The following MAP7D1 variants were observed in gnomAD, a reference collection of about 807,000 sequenced individuals.
MAP7D1 encodes the protein MAP7 domain-containing protein 1.
Under a neutral mutation model 97.5 loss-of-function variants are expected in MAP7D1, and 30 were observed. That is an observed-to-expected ratio of 0.31 (90% confidence interval 0.23 to 0.42). The LOEUF (loss-of-function observed/expected upper bound fraction) is 0.42, where lower values mean the gene tolerates loss of function less well. Among genes scored for constraint, MAP7D1 ranks in the 10% least tolerant of loss-of-function variants. The pLI is 1.00. For synonymous variants in MAP7D1, 536 were observed against 477.1 expected (o/e 1.12, Z -1.61); for missense variants, 1,184 against 1,179.5 (o/e 1.00, Z -0.06).
intron 1 of MAP7D1, among the ~76,000 whole-genome samples, chr1:36,163,007 G>GT (rs1477500875): frequency 1.3e-5 from 2 of 152,178 alleles, no homozygotes; most frequent in Non-Finnish European, 2.9e-5. Flanking sequence ...GCTAGACTGA[G>GT]TTATCAGTGT....
chr1:36,178,161 C>G lies in MAP7D1; in HGVS notation c.1668C>G (p.Ala556=), dbSNP rs779535556. 1 of 1,579,150 alleles carries G rather than the reference C, an allele frequency of 6.3e-7. No individual in the cohort carries two copies. Among genetic ancestry groups the G allele is most frequent in the African/African-American group, 1.3e-5 (1 of 74,448 alleles). ...CGCCGGCGCCCTCGCCCACCCCAGC[C>G]CCGCCCCAGAAGGAGCAGCCCCCCG... ...APSPAPSPTP[A]PPQKEQPPAE... The change falls in exon 9 of 17, where the codon GCC becomes GCG. Residue 556 remains alanine, a synonymous_variant. Coordinates refer to ENST00000474796, the MANE Select transcript of MAP7D1 (RefSeq NM_001388490.1).
chr1:36,175,576 G>A (rs1644606859), intron 6 of MAP7D1, among the ~76,000 whole-genome samples: 2 of 152,264 alleles, frequency 1.3e-5, no homozygotes, highest in Admixed American at 1.3e-4. Flanking sequence ...AAGGAGCCAT[G>A]GTGGGAGTTA....
chr1:36,173,522 G>A (rs199788204), intron 5 of MAP7D1, 44 bp downstream of exon 5: 351 of 1,463,744 alleles, frequency 2.4e-4, no homozygotes, highest in Non-Finnish European at 3.0e-4. Flanking sequence ...GCAAGGCTGG[G>A]ATGGCAAGTA....
rs916595474 is a variant in MAP7D1 at position 36,176,746 on chromosome 1, A to C, written c.1283A>C (p.Lys428Thr). The stretch of plus-strand genomic sequence containing the variant: ...AAGGAGCGGGAAAACGAGAAGGAGA[A>C]GAGTGCCCTAGCCCGGGAGCGCAGC... ...KDKERENEKE[K>T]SALARERSLK... Residue 428 changes from lysine (K) to threonine (T), a missense_variant, in exon 8 of 17, where the codon AAG (lysine) becomes ACG (threonine). Physicochemically the swap from Lys to Thr is moderately conservative, Grantham distance 78. Coordinates refer to ENST00000474796, the MANE Select transcript of MAP7D1 (RefSeq NM_001388490.1). This position sits in a 1 kb window ranked among gnomAD's most constrained non-coding sequence, Gnocchi z 6.1. 34 of 1,604,476 alleles carry C rather than the reference A, an allele frequency of 2.1e-5. No homozygotes were observed. Among genetic ancestry groups the C allele is most frequent in the Non-Finnish European group, 2.8e-5 (33 of 1,176,280 alleles).
In MAP7D1 at chr1:36,163,817, C is replaced by CTTTTTTTTTTT. The variant is rs869169250; in HGVS notation, c.47-7137_47-7127dup. ...TGCCACATAGATATATACTTTTTTTCTTTTTTTTTTTTTTTTTTTTTTTTT... is the reference window on the plus strand; with the variant it reads ...TGCCACATAGATATATACTTTTTTTCTTTTTTTTTTTTTTTTTTTTTTTTTTTTTTTTTTTT... On this transcript the variant is annotated intron_variant, in intron 1 of 16. Transcript: ENST00000474796. Among the ~76,000 whole-genome samples the CTTTTTTTTTTT allele has an allele frequency of 1.8e-4, 16 of 86,834 alleles. 2 individuals carry two copies. Among genetic ancestry groups the CTTTTTTTTTTT allele is most frequent in the African/African-American group, 6.5e-4 (14 of 21,396 alleles). The allele number at this position is 86,834 out of a possible 152,430, so 57.0% of individuals were successfully genotyped here.
At position 36,178,991 on chromosome 1, in the gene MAP7D1, A is replaced by G; in HGVS notation, c.2096A>G (p.Gln699Arg). The G allele has an allele frequency of 6.4e-7, 1 of 1,550,530 alleles. No homozygotes were observed. Among genetic ancestry groups the G allele is most frequent in the Non-Finnish European group, 8.7e-7 (1 of 1,147,662 alleles). Residue 699 changes from glutamine to arginine, a missense_variant, in exon 12 of 17, where the codon CAG becomes CGG. By Grantham distance (43) the Gln-to-Arg change is conservative. Transcript: ENST00000474796. ...CGTCTGGAGCGGGAAAAGCACTTCCAGCAGCAGGAGCAAGAGCGGCAAGAG... is the reference window on the plus strand; with the variant it reads ...CGTCTGGAGCGGGAAAAGCACTTCCGGCAGCAGGAGCAAGAGCGGCAAGAG... Reference protein sequence around the residue: ...RQRLEREKHFQQQEQERQERR... With the variant: ...RQRLEREKHFRQQEQERQERR...
At chr1:36,166,843 A>C (rs781754112) in intron 1 of MAP7D1, among the ~76,000 whole-genome samples, 3 of 152,192 alleles carry the variant, frequency 2.0e-5, no homozygotes, top group Non-Finnish European at 4.4e-5. Flanking sequence ...ATTAGATTTG[A>C]GATCTGTTTT....
chr1:36,172,459 C>A lies in MAP7D1; in HGVS notation c.461-5C>A. 1 of 1,566,490 alleles carries A rather than the reference C, an allele frequency of 6.4e-7. No individual in the cohort carries two copies. The highest frequency in any genetic ancestry group is 8.7e-7 in the Non-Finnish European group (1 of 1,147,582). ...ACACACGCCACTGGGCTCCTTTGTC[C>A]ACAGCGGCCAAGAAGGCAGTGTGGC... On this transcript the variant is annotated splice_region_variant and splice_polypyrimidine_tract_variant and intron_variant, in intron 3 of 16. Transcript: ENST00000474796.
At position 36,159,153 on chromosome 1, in the gene MAP7D1, G is replaced by C. The variant is rs1382253681; in HGVS notation, c.46+2690G>C. 6.6e-6 allele frequency among the ~76,000 whole-genome samples: 1 copy of C among 152,086 alleles called. No homozygotes were observed. Among genetic ancestry groups the C allele is most frequent in the Non-Finnish European group, 1.5e-5 (1 of 68,020 alleles). On this transcript the variant is annotated intron_variant, in intron 1 of 16. Coordinates refer to ENST00000474796, the MANE Select transcript of MAP7D1 (RefSeq NM_001388490.1). This position sits in a 1 kb window ranked among gnomAD's most constrained non-coding sequence, Gnocchi z 5.4. ...GCACACTGCAACCTCCGCCTCCCAG[G>C]TTCAAGCGATTCTCTTGCCTCAGCC... is the stretch of plus-strand genomic sequence containing the variant.
In MAP7D1 at chr1:36,176,089, G is replaced by C; in HGVS notation, c.851-110G>C. The C allele has an allele frequency of 8.0e-7, 1 of 1,252,234 alleles. No homozygotes were observed. The highest frequency in any genetic ancestry group is 2.3e-5 in the Admixed American group (1 of 43,520). 77.6% of individuals were successfully genotyped at this position (1,252,234 alleles called of 1,614,324 possible). ...GTGATTGTGGGGAGAGGACTCCCGGGTGAGAAGCCTTGGCCTTGGCATGGG... is the reference window on the plus strand; with the variant it reads ...GTGATTGTGGGGAGAGGACTCCCGGCTGAGAAGCCTTGGCCTTGGCATGGG... On this transcript the variant is annotated intron_variant, in intron 6 of 16. Coordinates refer to ENST00000474796, the MANE Select transcript of MAP7D1 (RefSeq NM_001388490.1). This position sits in a 1 kb window ranked among gnomAD's most constrained non-coding sequence, Gnocchi z 6.1.
chr1:36,167,766 C>T (rs1408452376), intron 1 of MAP7D1, among the ~76,000 whole-genome samples: 1 of 152,202 alleles, frequency 6.6e-6, no homozygotes, highest in East Asian at 1.9e-4. Flanking sequence ...CACTCCTCTA[C>T]CTCCTCCCAG....
chr1:36,163,823 T>TC (rs1264318419), intron 1 of MAP7D1, among the ~76,000 whole-genome samples: 4 of 30,706 alleles, frequency 1.3e-4, no homozygotes, highest in East Asian at 1.4e-3. Context: ...TTTTCTTTTT[T>TC]TTTTTTTTTT....
chr1:36,176,662 T>G lies in MAP7D1; in HGVS notation c.1234-35T>G. On this transcript the variant is annotated intron_variant, in intron 7 of 16. Coordinates refer to ENST00000474796, the MANE Select transcript of MAP7D1 (RefSeq NM_001388490.1). This position sits in a 1 kb window ranked among gnomAD's most constrained non-coding sequence, Gnocchi z 6.1. ...CTGGGGTACGCGGGCGCTGCTGACC[T>G]CTACTCTCCTCTTCCGTTCCTCCTT... is the stretch of plus-strand genomic sequence containing the variant. 1 of 1,603,582 alleles carries G rather than the reference T, an allele frequency of 6.2e-7. No homozygotes were observed. The highest frequency in any genetic ancestry group is 8.5e-7 in the Non-Finnish European group (1 of 1,174,994).
At chr1:36,165,629 C>T (rs970496181) in intron 1 of MAP7D1, among the ~76,000 whole-genome samples, 1 of 151,600 alleles carries the variant, frequency 6.6e-6, no homozygotes, top group Non-Finnish European at 1.5e-5. Flanking sequence ...GTTGTCCAGG[C>T]TGATCTCAAA....
chr1:36,176,974 A>C lies in MAP7D1; in HGVS notation c.1379+132A>C. 1 of 815,994 alleles carries C rather than the reference A, an allele frequency of 1.2e-6. No individual in the cohort carries two copies. The highest frequency in any genetic ancestry group is 1.9e-6 in the Non-Finnish European group (1 of 518,360). The allele number at this position is 815,994 out of a possible 1,614,324, so 50.5% of individuals were successfully genotyped here. On this transcript the variant is annotated intron_variant, in intron 8 of 16. Coordinates refer to ENST00000474796, the MANE Select transcript of MAP7D1 (RefSeq NM_001388490.1). The surrounding 1 kb of genome is among the most constrained non-coding windows in gnomAD (Gnocchi z 6.1). Reference sequence around the variant, plus strand: ...AGATTCTCTCTGTTTTGTTTGAGACAGGATCTCCCTCTGTCACCCAGGCTG... The same window carrying C: ...AGATTCTCTCTGTTTTGTTTGAGACCGGATCTCCCTCTGTCACCCAGGCTG...
At chr1:36,164,726 T>A (rs1644453435) in intron 1 of MAP7D1, among the ~76,000 whole-genome samples, 1 of 152,160 alleles carries the variant, frequency 6.6e-6, no homozygotes, top group Non-Finnish European at 1.5e-5. Flanking sequence ...GGGAAGCCAC[T>A]GACAAGTTTC....
At chr1:36,179,603 T>C in intron 14 of MAP7D1, 46 bp downstream of exon 14, 2 of 1,551,814 alleles carry the variant, frequency 1.3e-6, no homozygotes, top group Non-Finnish European at 1.7e-6. Context: ...GCCATCCTCC[T>C]CCTCCTCCAT....
intron 1 of MAP7D1, among the ~76,000 whole-genome samples, chr1:36,164,500 G>C (rs1056965282): frequency 2.6e-5 from 4 of 152,200 alleles, no homozygotes; most frequent in Admixed American, 1.3e-4. Context: ...CATATGTAGG[G>C]CAAATAGGAG....
chr1:36,173,734 G>T (rs1477288063), intron 5 of MAP7D1, among the ~76,000 whole-genome samples: 1 of 152,066 alleles, frequency 6.6e-6, no homozygotes, highest in Admixed American at 6.6e-5. Context: ...CCTTCTTTGC[G>T]CCTGTCAATT....
Sources: gnomAD v4.1 joint callset for allele counts (sites outside exome capture counted in the v4.1 genomes callset) on GRCh38, gnomAD v4.1.1 for gene constraint, Gnocchi (gnomAD v3.1) non-coding constraint, MANE v1.5 for transcripts, NCBI Gene and HGNC (gene_info 2026-07-23, HGNC 2026-07-21) for gene names.